Variants in NCAPG2 observed in about 807,000 individuals in gnomAD.
The protein encoded by NCAPG2 is condensin-2 complex subunit G2.
Under a neutral mutation model 141.1 loss-of-function variants are expected in NCAPG2, and 53 were observed. The ratio of observed to expected loss-of-function variants is 0.38; its 90% CI spans 0.30 to 0.47. NCAPG2 has a LOEUF of 0.47. NCAPG2 is among the 20% of genes least tolerant of loss of function. NCAPG2 has a pLI of 0.99. For missense variants in NCAPG2, 1,087 were observed against 1,389.0 expected, an observed-to-expected ratio of 0.78 and a Z score of 3.46; for synonymous variants, 499 against 490.7, an observed-to-expected ratio of 1.02 and a Z score of -0.22.
chr7:158,649,615 A>C (rs1185060861), intron 24 of NCAPG2, among the ~76,000 whole-genome samples: 3 of 152,258 alleles, frequency 2.0e-5, no homozygotes, highest in Non-Finnish European at 4.4e-5. Flanking sequence ...TTTCCAAACC[A>C]AAATGATCTC....
intron 11 of NCAPG2, among the ~76,000 whole-genome samples, chr7:158,678,479 T>G (rs950060186): frequency 2.0e-5 from 3 of 152,176 alleles, no homozygotes; most frequent in African/African-American, 7.2e-5. Context: ...TACATGAGAT[T>G]AAAATTTTGT....
intron 4 of NCAPG2, among the ~76,000 whole-genome samples, chr7:158,690,980 T>C (rs1282217296): frequency 6.7e-6 from 1 of 150,262 alleles, no homozygotes. Context: ...ACTGGAAGTC[T>C]CAGAGAAATC....
chr7:158,641,664 TAAG>T (rs1293163375), intron 27 of NCAPG2: 1 of 438,712 alleles, frequency 2.3e-6, no homozygotes, highest in Non-Finnish European at 4.0e-6. Flanking sequence ...GAATTCACAG[TAAG>T]AAGAATTATC....
At chr7:158,687,789 T>A (rs890446736) in intron 6 of NCAPG2, among the ~76,000 whole-genome samples, 1 of 152,314 alleles carries the variant, frequency 6.6e-6, no homozygotes, top group Non-Finnish European at 1.5e-5. Context: ...GAAAGAAAGC[T>A]TTAAATCTAG....
intron 27 of NCAPG2, among the ~76,000 whole-genome samples, chr7:158,631,981 C>G (rs189046919): frequency 3.9e-5 from 6 of 152,308 alleles, no homozygotes; most frequent in African/African-American, 1.4e-4. Context: ...AACGTGCTCA[C>G]TGGGCAGTGT....
chr7:158,702,194 GGAGA>G (rs1186730188), intron 1 of NCAPG2: 1 of 268,898 alleles, frequency 3.7e-6, no homozygotes, highest in African/African-American at 2.3e-5. Flanking sequence ...AACTAAGGAG[GGAGA>G]AATCCAAATA....
intron 27 of NCAPG2, chr7:158,640,052 C>CAAAAAAAAAAAAAAAAAAA (rs58368997): frequency 3.1e-5 from 3 of 98,326 alleles, no homozygotes; most frequent in African/African-American, 7.8e-5. Context: ...GAATAAATGC[C>CAAAAAAAAAAAAAAAAAAA]AAAAAAAAAA....
intron 23 of NCAPG2, 134 bp from the exon 24 acceptor site, chr7:158,651,106 T>G: frequency 1.1e-6 from 1 of 912,410 alleles, no homozygotes; most frequent in Non-Finnish European, 1.5e-6. Flanking sequence ...GTTTGCCTGC[T>G]ACCAGTGCCC....
At position 158,686,219 on chromosome 7, in the gene NCAPG2, C is replaced by T. The variant is rs1353934764; in HGVS notation, c.790G>A (p.Glu264Lys). 6.3e-7 allele frequency: 1 copy of T among 1,578,822 alleles called. No homozygotes were observed. The highest frequency in any genetic ancestry group is 1.8e-5 in the Admixed American group (1 of 54,410). Reference sequence around the variant, plus strand: ...TTTTTCCAAGCTCTGAAATAAATTTCTGCAATGTATACCATCAAAGACCTA... The same window carrying T: ...TTTTTCCAAGCTCTGAAATAAATTTTTGCAATGTATACCATCAAAGACCTA... ...LQKSLMVYIA[E>K]IYFRAWKKAS... Residue 264 changes from glutamate (E) to lysine (K), a missense_variant, in exon 8 of 28, where the codon GAA (glutamate) becomes AAA (lysine). Transcript: ENST00000356309.
rs983319462 is a variant in NCAPG2 at position 158,654,458 on chromosome 7, A to G, written c.2746+137T>C. 3 of 849,200 alleles carry G rather than the reference A, an allele frequency of 3.5e-6. No individual in the cohort carries two copies. The African/African-American group carries it at 5.3e-5, about 15-fold the overall frequency. The allele number at this position is 849,200 out of a possible 1,614,324, so 52.6% of individuals were successfully genotyped here. ...ATTTCCGGGCTGAACCACCTAACAA[A>G]TCCCTTTTTTGGGATATGCCAGGTT... On this transcript the variant is annotated intron_variant, in intron 22 of 27. Coordinates refer to ENST00000356309, the MANE Select transcript of NCAPG2 (RefSeq NM_017760.7).
At chr7:158,699,127 T>C (rs763302105) in intron 2 of NCAPG2, among the ~76,000 whole-genome samples, 70 of 152,288 alleles carry the variant, frequency 4.6e-4, no homozygotes, top group Non-Finnish European at 7.6e-4. Flanking sequence ...TTTTTCTTCC[T>C]CTACCACTAG....
chr7:158,696,902 C>T (rs1447239848), intron 2 of NCAPG2, among the ~76,000 whole-genome samples: 1 of 152,214 alleles, frequency 6.6e-6, no homozygotes, highest in African/African-American at 2.4e-5. Flanking sequence ...CAATGACAAA[C>T]CACATATATG....
intron 12 of NCAPG2, among the ~76,000 whole-genome samples, chr7:158,673,690 C>T (rs1240560680): frequency 6.6e-6 from 1 of 152,250 alleles, no homozygotes; most frequent in Non-Finnish European, 1.5e-5. Flanking sequence ...TGTCTGTAAA[C>T]TGGGACCAGC....
chr7:158,661,751 A>T (rs1488979883), intron 16 of NCAPG2, among the ~76,000 whole-genome samples: 1 of 152,210 alleles, frequency 6.6e-6, no homozygotes, highest in African/African-American at 2.4e-5. Context: ...GAAATCACAC[A>T]CACAACTGTT....
intron 26 of NCAPG2, among the ~76,000 whole-genome samples, chr7:158,644,892 G>C (rs1830896548): frequency 6.6e-6 from 1 of 152,154 alleles, no homozygotes; most frequent in Non-Finnish European, 1.5e-5. Context: ...GGGAGAGTTT[G>C]TTTCAATAGA....
intron 7 of NCAPG2, among the ~76,000 whole-genome samples, chr7:158,686,954 G>A (rs1395291410): frequency 6.6e-6 from 1 of 152,174 alleles, no homozygotes; most frequent in African/African-American, 2.4e-5. Context: ...GGGAGTGGCA[G>A]AGTCATGACT....
chr7:158,672,428 T>G (rs551808252), intron 12 of NCAPG2, among the ~76,000 whole-genome samples: 1 of 136,882 alleles, frequency 7.3e-6, no homozygotes, highest in African/African-American at 2.7e-5. Context: ...CTGCAAGCTC[T>G]GCCTCCCGGG....
At position 158,686,214 on chromosome 7, in the gene NCAPG2, A is replaced by C. The variant is rs138977477; in HGVS notation, c.795T>G (p.Ile265Met). Residue 265 changes from isoleucine (I) to methionine (M), a missense_variant, in exon 8 of 28, where the codon ATT (isoleucine) becomes ATG (methionine). Ile to Met is a conservative substitution (Grantham distance 10, BLOSUM62 1). Transcript: ENST00000356309. The part of the protein sequence containing the change: ...QKSLMVYIAE[I>M]YFRAWKKASG... ...AAGCCTTTTTCCAAGCTCTGAAATA[A>C]ATTTCTGCAATGTATACCATCAAAG... The C allele has an allele frequency of 1.3e-4, 201 of 1,580,626 alleles. 1 individual carries two copies. The East Asian group carries it at 4.5e-3, about 35-fold the overall frequency.
intron 27 of NCAPG2, among the ~76,000 whole-genome samples, chr7:158,632,023 C>T (rs1386142640): frequency 1.3e-5 from 2 of 152,146 alleles, no homozygotes; most frequent in African/African-American, 4.8e-5. Context: ...GACGTGTGCT[C>T]TTCCTTTCCA....
Sources: gnomAD v4.1 joint callset for allele counts (sites outside exome capture counted in the v4.1 genomes callset) on GRCh38, gnomAD v4.1.1 for gene constraint, MANE v1.5 for transcripts, NCBI Gene and HGNC (gene_info 2026-07-23, HGNC 2026-07-21) for gene names.